GLRA3: variants seen among roughly 807,000 people sequenced by gnomAD.
GLRA3 encodes the protein glycine receptor alpha 3, also known as glycine receptor subunit alpha-3.
GLRA3 carries 44 observed loss-of-function variants against 60.4 expected under a neutral mutation model. The observed-to-expected ratio is 0.73, with a 90% CI of 0.57 to 0.94. GLRA3 has a LOEUF of 0.94. Ranked by LOEUF, GLRA3 falls within the 40% of genes least tolerant of loss-of-function variation. The pLI, the probability that GLRA3 is intolerant of heterozygous loss-of-function variation, is 0.00. For synonymous variants in GLRA3, 223 were observed against 192.9 expected (o/e 1.16, Z -1.29); for missense variants, 508 against 564.6 (o/e 0.90, Z 1.02).
intron 3 of GLRA3, among the ~76,000 whole-genome samples, chr4:174,757,348 C>A (rs1248672591): frequency 2.0e-5 from 3 of 152,052 alleles, no homozygotes; most frequent in Admixed American, 2.0e-4. Context: ...ACCTCTGTAG[C>A]AATGAACACA....
chr4:174,674,484 C>A (rs1561046926), intron 7 of GLRA3, among the ~76,000 whole-genome samples: 1 of 152,080 alleles, frequency 6.6e-6, no homozygotes, highest in African/African-American at 2.4e-5. Flanking sequence ...GAGGCTGATG[C>A]AATAGAAAAT....
At chr4:174,764,810 C>T (rs556504317) in intron 3 of GLRA3, among the ~76,000 whole-genome samples, 2 of 151,846 alleles carry the variant, frequency 1.3e-5, no homozygotes, top group African/African-American at 2.4e-5. Context: ...TTTCTTTGTG[C>T]CTATATAGAT....
At chr4:174,774,787 T>A (rs1462966827) in intron 2 of GLRA3, among the ~76,000 whole-genome samples, 1 of 152,182 alleles carries the variant, frequency 6.6e-6, no homozygotes, top group Non-Finnish European at 1.5e-5. Context: ...AGAGAGTGGA[T>A]GAAATTTGAA....
intron 2 of GLRA3, among the ~76,000 whole-genome samples, chr4:174,775,317 A>C (rs11133055): frequency 6.6e-6 from 1 of 151,886 alleles, no homozygotes; most frequent in Non-Finnish European, 1.5e-5. Flanking sequence ...ATAAAAATGC[A>C]TGTAGAAAAT....
chr4:174,706,093 G>C (rs554714201), intron 5 of GLRA3, among the ~76,000 whole-genome samples: 3 of 152,060 alleles, frequency 2.0e-5, no homozygotes, highest in Non-Finnish European at 4.4e-5. Flanking sequence ...AGCCGGGCGT[G>C]GTGGCGGGCA....
In GLRA3 at chr4:174,821,038, A is replaced by G. The variant is rs79905402; in HGVS notation, c.71+7703T>C. Among the ~76,000 whole-genome samples the G allele has an allele frequency of 7.0e-4, 107 of 152,322 alleles. 1 individual carries two copies. The highest frequency in any genetic ancestry group is 2.4e-3 in the African/African-American group (101 of 41,578). ...GCTTTATAACTAAAAGTTAACTTTAAGAAGGAATGTAAACTTTTTACATGT... is the reference window on the plus strand; with the variant it reads ...GCTTTATAACTAAAAGTTAACTTTAGGAAGGAATGTAAACTTTTTACATGT... On this transcript the variant is annotated intron_variant, in intron 1 of 9. Coordinates refer to ENST00000274093, the MANE Select transcript of GLRA3 (RefSeq NM_006529.4).
At chr4:174,728,379 G>A (rs771603740) in intron 4 of GLRA3, 96 bp downstream of exon 4, 50 of 679,428 alleles carry the variant, frequency 7.4e-5, no homozygotes, top group Non-Finnish European at 1.2e-4. Context: ...GATAGCACTT[G>A]TTCAAAAATG....
chr4:174,745,790 GA>G (rs551704368), intron 3 of GLRA3, among the ~76,000 whole-genome samples: 1,496 of 138,824 alleles, frequency 0.011, 8 homozygotes, highest in East Asian at 0.018. Context: ...AACTCAATAG[GA>G]AAAAAAAAAA....
intron 1 of GLRA3, among the ~76,000 whole-genome samples, chr4:174,818,936 C>T (rs1037874901): frequency 1.3e-5 from 2 of 152,156 alleles, no homozygotes; most frequent in African/African-American, 4.8e-5. Context: ...AAGTAATTTA[C>T]AAAGGCAGAT....
At chr4:174,705,781 A>G (rs1735486075) in intron 5 of GLRA3, among the ~76,000 whole-genome samples, 1 of 144,104 alleles carries the variant, frequency 6.9e-6, no homozygotes, top group Non-Finnish European at 1.5e-5. Context: ...ATTTCTAGTG[A>G]TAACAAGTGA....
intron 3 of GLRA3, among the ~76,000 whole-genome samples, chr4:174,737,639 G>A (rs996089289): frequency 6.6e-6 from 1 of 152,014 alleles, no homozygotes; most frequent in African/African-American, 2.4e-5. Context: ...TCAGCTCTAA[G>A]AAGCCAGGAT....
In GLRA3 at chr4:174,731,660, G is replaced by A. The variant is rs115792809; in HGVS notation, c.268-2962C>T. Among the ~76,000 whole-genome samples, 1,118 of 152,216 alleles carry A rather than the reference G, an allele frequency of 7.3e-3. 15 individuals carry two copies. The highest frequency in any genetic ancestry group is 0.025 in the African/African-American group (1,054 of 41,536). On this transcript the variant is annotated intron_variant, in intron 3 of 9. Coordinates refer to ENST00000274093, the MANE Select transcript of GLRA3 (RefSeq NM_006529.4). The stretch of plus-strand genomic sequence containing the variant: ...TAAAATAAAGGTTAATAAATTCTAC[G>A]ATGTCAGAATTAAGAAATTCTGTTC...
chr4:174,701,877 C>G (rs754976365), intron 5 of GLRA3, among the ~76,000 whole-genome samples: 6 of 152,238 alleles, frequency 3.9e-5, no homozygotes, highest in Non-Finnish European at 8.8e-5. Context: ...CAAACTTGAA[C>G]AGATAAGGAG....
intron 3 of GLRA3, among the ~76,000 whole-genome samples, chr4:174,733,735 C>G (rs910696380): frequency 6.6e-6 from 1 of 152,210 alleles, no homozygotes; most frequent in African/African-American, 2.4e-5. Context: ...ATGCTCCTAC[C>G]TTCTGCTTCC....
intron 3 of GLRA3, 91 bp downstream of exon 3, chr4:174,766,872 C>T (rs2111237190): frequency 1.5e-6 from 1 of 656,092 alleles, no homozygotes; most frequent in South Asian, 2.1e-5. Flanking sequence ...TCTTGTTATA[C>T]TAATTTGGGT....
At position 174,704,778 on chromosome 4, in the gene GLRA3, T is replaced by G. The variant is rs1223928445; in HGVS notation, c.574+10710A>C. ...TCAAACTTAAAAAGGAAGAAAATCC[T>G]GACATATACTATAACATAGATAAAC... On this transcript the variant is annotated intron_variant, in intron 5 of 9. Transcript: ENST00000274093. Among the ~76,000 whole-genome samples the G allele has an allele frequency of 5.6e-5, 8 of 143,992 alleles. 2 individuals are homozygous for G. The highest frequency in any genetic ancestry group is 3.6e-4 in the Admixed American group (5 of 13,966). The allele number at this position is 143,992 out of a possible 152,430, so 94.5% of individuals were successfully genotyped here. A position where few individuals can be genotyped will look rare whatever the true frequency, so the allele number is the denominator to read the frequency against.
intron 5 of GLRA3, among the ~76,000 whole-genome samples, chr4:174,690,758 T>A (rs770067993): frequency 1.3e-5 from 2 of 152,162 alleles, no homozygotes; most frequent in Non-Finnish European, 2.9e-5. Flanking sequence ...GAACATGAGG[T>A]ATTTGTTTTT....
intron 1 of GLRA3, among the ~76,000 whole-genome samples, chr4:174,808,761 C>T (rs1351567361): frequency 6.6e-6 from 1 of 151,510 alleles, no homozygotes; most frequent in African/African-American, 2.4e-5. Flanking sequence ...AATGTGTGTG[C>T]TTGTGTCTTA....
chr4:174,777,798 G>A (rs1738662955), intron 2 of GLRA3, among the ~76,000 whole-genome samples: 1 of 152,062 alleles, frequency 6.6e-6, no homozygotes, highest in Non-Finnish European at 1.5e-5. Context: ...ACACTGTTGG[G>A]GAGGAGAGGG....
Sources: allele counts gnomAD v4.1 joint callset (sites outside exome capture counted in the v4.1 genomes callset), GRCh38; gene constraint gnomAD v4.1.1; transcripts MANE v1.5; gene names NCBI Gene and HGNC (gene_info 2026-07-23, HGNC 2026-07-21).